The following ADAMTSL1 variants were observed in gnomAD, a reference collection of about 807,000 sequenced individuals.
ADAMTSL1 encodes ADAMTS like 1, also known as ADAMTS-like protein 1.
A neutral mutation model predicts 201.8 loss-of-function variants in ADAMTSL1; 126 were observed. The ratio of observed to expected loss-of-function variants is 0.62; its 90% CI spans 0.54 to 0.72. ADAMTSL1 has a LOEUF of 0.72. ADAMTSL1 is among the 30% of genes least tolerant of loss of function. The pLI is 0.00. For missense variants in ADAMTSL1, 2,679 were observed against 2,277.8 expected, an observed-to-expected ratio of 1.18 and a Z score of -3.59; for synonymous variants, 1,121 against 903.4, an observed-to-expected ratio of 1.24 and a Z score of -4.32.
chr9:18,320,190 G>A (rs1311292358), intron 2 of ADAMTSL1, among the ~76,000 whole-genome samples: 3 of 152,152 alleles, frequency 2.0e-5, no homozygotes, highest in African/African-American at 4.8e-5. Flanking sequence ...CCAATACCTT[G>A]ATTTTCACCA....
In ADAMTSL1 at chr9:18,777,390, C is replaced by G; in HGVS notation, c.3161C>G (p.Ser1054Trp). The G allele has an allele frequency of 6.2e-7, 1 of 1,603,008 alleles. No homozygotes were observed. The highest frequency in any genetic ancestry group is 8.5e-7 in the Non-Finnish European group (1 of 1,175,420). ...AQDSAERNTTSEEDPGAEQVL... is the reference protein window; with the variant it reads ...AQDSAERNTTWEEDPGAEQVL... ...GACTCTGCGGAAAGGAACACGACCT[C>G]GGAGGAGGACCCGGGTGCAGAGCAA... is the stretch of plus-strand genomic sequence containing the variant. Residue 1054 changes from serine (S) to tryptophan (W), a missense_variant, in exon 19 of 29, where the codon TCG (serine) becomes TGG (tryptophan). Ser to Trp is a radical substitution (Grantham distance 177, BLOSUM62 -3). Coordinates refer to ENST00000380548, the MANE Select transcript of ADAMTSL1 (RefSeq NM_001040272.6).
In ADAMTSL1 at chr9:18,574,178, C is replaced by T. The variant is rs933401611; in HGVS notation, c.386C>T (p.Thr129Ile). ...CSLKCQAKGTTLVVELAPKVL... is the reference protein window; with the variant it reads ...CSLKCQAKGTILVVELAPKVL... Reference sequence around the variant, plus strand: ...CTCAAGTGCCAAGCCAAAGGAACAACCCTGGTTGTTGAACTAGCACCTAAG... The same window carrying T: ...CTCAAGTGCCAAGCCAAAGGAACAATCCTGGTTGTTGAACTAGCACCTAAG... The change falls in exon 4 of 29, where the codon ACC becomes ATC. Residue 129 changes from threonine to isoleucine, a missense_variant. By Grantham distance (89) the Thr-to-Ile change is moderately conservative. Transcript: ENST00000380548. 1 of 1,614,154 alleles carries T rather than the reference C, an allele frequency of 6.2e-7. No individual in the cohort carries two copies. The highest frequency in any genetic ancestry group is 8.5e-7 in the Non-Finnish European group (1 of 1,180,016).
At chr9:17,917,747 A>G (rs916539544) in intron 1 of ADAMTSL1, among the ~76,000 whole-genome samples, 7 of 151,930 alleles carry the variant, frequency 4.6e-5, no homozygotes, top group Non-Finnish European at 8.8e-5. Flanking sequence ...TGCAATCTCT[A>G]TATGATTTCT....
chr9:18,842,727 G>A (rs1432744396), intron 23 of ADAMTSL1, among the ~76,000 whole-genome samples: 2 of 152,076 alleles, frequency 1.3e-5, no homozygotes, highest in East Asian at 3.8e-4. Flanking sequence ...TCCCATATTG[G>A]GTGCATATAT....
intron 2 of ADAMTSL1, among the ~76,000 whole-genome samples, chr9:18,381,314 A>G (rs1837545956): frequency 6.6e-6 from 1 of 152,310 alleles, no homozygotes; most frequent in East Asian, 1.9e-4. Context: ...TATAATAGTA[A>G]TATCAATCAT....
At chr9:18,908,377 G>T in intron 28 of ADAMTSL1, 65 bp from the exon 29 acceptor site, 1 of 1,382,816 alleles carries the variant, frequency 7.2e-7, no homozygotes, top group East Asian at 2.5e-5. Flanking sequence ...CACAGGCTGC[G>T]TTCATTAGTC....
intron 3 of ADAMTSL1, among the ~76,000 whole-genome samples, chr9:18,567,271 T>C (rs200048697): frequency 6.6e-6 from 1 of 151,874 alleles, no homozygotes; most frequent in Non-Finnish European, 1.5e-5. Flanking sequence ...TCAAGACCAG[T>C]CTGGCCAACA....
At chr9:18,546,208 A>G (rs1329643295) in intron 3 of ADAMTSL1, among the ~76,000 whole-genome samples, 3 of 152,208 alleles carry the variant, frequency 2.0e-5, no homozygotes, top group African/African-American at 7.2e-5. Context: ...CAGTAACTAC[A>G]TATGGCTGTT....
At chr9:18,633,238 T>C (rs58204184) in intron 5 of ADAMTSL1, among the ~76,000 whole-genome samples, 20,370 of 152,194 alleles carry the variant, frequency 0.13, 1,467 homozygotes, top group Admixed American at 0.2. Context: ...TTTAACTGCT[T>C]TGAGTTTCTT....
At chr9:18,406,340 T>TTTTC (rs1280290195) in intron 2 of ADAMTSL1, among the ~76,000 whole-genome samples, 1 of 147,192 alleles carries the variant, frequency 6.8e-6, no homozygotes, top group Non-Finnish European at 1.5e-5. Context: ...TTTTCTTTTC[T>TTTTC]TTTTTTGACA....
intron 1 of ADAMTSL1, among the ~76,000 whole-genome samples, chr9:17,998,362 G>T (rs1220268736): frequency 6.6e-6 from 1 of 152,008 alleles, no homozygotes; most frequent in Non-Finnish European, 1.5e-5. Context: ...GGGGTTATGG[G>T]GCTGGGAGGC....
chr9:18,359,836 C>A (rs980903890), intron 2 of ADAMTSL1, among the ~76,000 whole-genome samples: 2 of 113,990 alleles, frequency 1.8e-5, no homozygotes, highest in East Asian at 3.2e-4. Context: ...CGCCCCCCCG[C>A]CCACACAAAA....
chr9:18,781,125 G>A (rs2133778179), intron 19 of ADAMTSL1, among the ~76,000 whole-genome samples: 1 of 152,228 alleles, frequency 6.6e-6, no homozygotes. Context: ...AGATGGAGAA[G>A]GTTCAGTGGA....
At chr9:18,801,178 C>T (rs1160081587) in intron 20 of ADAMTSL1, among the ~76,000 whole-genome samples, 2 of 152,122 alleles carry the variant, frequency 1.3e-5, no homozygotes, top group East Asian at 3.9e-4. Flanking sequence ...AATTCCTTCT[C>T]ATCTTTTATG....
intron 13 of ADAMTSL1, among the ~76,000 whole-genome samples, chr9:18,685,830 A>G (rs1041228843): frequency 6.6e-6 from 1 of 152,228 alleles, no homozygotes. Flanking sequence ...GATTTGTACC[A>G]TAACCAAAGG....
intron 15 of ADAMTSL1, among the ~76,000 whole-genome samples, chr9:18,722,609 G>A (rs2133430955): frequency 6.6e-6 from 1 of 152,244 alleles, no homozygotes; most frequent in East Asian, 1.9e-4. Context: ...GGACTTGGAG[G>A]GTACAGATCA....
At position 18,109,467 on chromosome 9, in the gene ADAMTSL1, A is replaced by G. The variant is rs180733269; in HGVS notation, c.88-54395A>G. On this transcript the variant is annotated intron_variant, in intron 1 of 29. Coordinates refer to the ADAMTSL1 transcript ENST00000680146. Reference sequence around the variant, plus strand: ...GAATACTAAGTGCCCCAGGTAATAAATCATCCTCCCTCCTGTCATCCAACT... The same window carrying G: ...GAATACTAAGTGCCCCAGGTAATAAGTCATCCTCCCTCCTGTCATCCAACT... Among the ~76,000 whole-genome samples, 3 of 152,222 alleles carry G rather than the reference A, an allele frequency of 2.0e-5. No individual in the cohort carries two copies. In the East Asian group the frequency reaches 5.8e-4, roughly 29 times the overall value.
At chr9:18,690,351 G>A (rs1379634702) in intron 13 of ADAMTSL1, among the ~76,000 whole-genome samples, 2 of 151,726 alleles carry the variant, frequency 1.3e-5, no homozygotes, top group Admixed American at 1.3e-4. Context: ...TTTTTAAGTG[G>A]CTAGAAATTT....
chr9:18,138,372 T>C (rs1336522671), intron 1 of ADAMTSL1, among the ~76,000 whole-genome samples: 1 of 152,190 alleles, frequency 6.6e-6, no homozygotes. Context: ...TTTATACCCA[T>C]GTATCCAGCA....
Sources: allele counts gnomAD v4.1 joint callset (sites outside exome capture counted in the v4.1 genomes callset), GRCh38; gene constraint gnomAD v4.1.1; transcripts MANE v1.5; gene names NCBI Gene and HGNC (gene_info 2026-07-23, HGNC 2026-07-21).